ZNRF1: variants seen among roughly 807,000 people sequenced by gnomAD.
ZNRF1 encodes E3 ubiquitin-protein ligase ZNRF1.
A neutral mutation model predicts 18.4 loss-of-function variants in ZNRF1; 3 were observed. The observed-to-expected ratio is 0.16, with a 90% CI of 0.07 to 0.42. ZNRF1 has a LOEUF of 0.42. Among genes scored for constraint, ZNRF1 ranks in the 10% least tolerant of loss-of-function variants. The pLI is 0.99. For synonymous variants in ZNRF1, 157 were observed against 144.2 expected, an observed-to-expected ratio of 1.09 and a Z score of -0.64; for missense variants, 310 against 329.8, an observed-to-expected ratio of 0.94 and a Z score of 0.47.
intron 1 of ZNRF1, among the ~76,000 whole-genome samples, chr16:75,044,653 C>T (rs2035491480): frequency 6.6e-6 from 1 of 152,246 alleles, no homozygotes; most frequent in Admixed American, 6.5e-5. Flanking sequence ...AGCCACCATA[C>T]CCAGCCCAAG....
intron 2 of ZNRF1, among the ~76,000 whole-genome samples, chr16:75,094,422 A>G (rs1029281052): frequency 6.6e-6 from 1 of 152,248 alleles, no homozygotes; most frequent in African/African-American, 2.4e-5. Context: ...TCTGCCTAGC[A>G]TGCTGTGCAT....
chr16:75,048,298 C>T (rs890574886), intron 1 of ZNRF1, among the ~76,000 whole-genome samples: 1 of 152,156 alleles, frequency 6.6e-6, no homozygotes, highest in Non-Finnish European at 1.5e-5. Context: ...TTAGGGCCCA[C>T]CCCGATGACC....
intron 1 of ZNRF1, among the ~76,000 whole-genome samples, chr16:75,085,783 C>G (rs893659776): frequency 8.8e-5 from 7 of 79,204 alleles, no homozygotes; most frequent in Admixed American, 4.2e-4. Context: ...GAAACAGATC[C>G]GACAGAGTGA....
At chr16:75,096,214 G>C in intron 2 of ZNRF1, among the ~76,000 whole-genome samples, 1 of 152,274 alleles carries the variant, frequency 6.6e-6, no homozygotes, top group East Asian at 1.9e-4. Context: ...GTCTCAACGT[G>C]GTGAAGTGCT....
rs988348510 is a variant in ZNRF1, at chr16:74,999,205, C to T, written c.-467C>T. On this transcript the variant is annotated 5_prime_UTR_variant, in exon 1 of 5. Transcript: ENST00000335325. ...CGAGGCCTGGAGGGGTCCGGGCCGC[C>T]GTCCATGGTCGCGGCGTCCTGAGGC... 1 of 147,110 alleles carries T rather than the reference C, an allele frequency of 6.8e-6. No homozygotes were observed. Among genetic ancestry groups the T allele is most frequent in the Non-Finnish European group, 1.5e-5 (1 of 66,156 alleles). The allele number at this position is 147,110 out of a possible 1,614,324, so 9.1% of individuals were successfully genotyped here.
At chr16:75,092,480 TCAGTGGCAA>T (rs2036151316) in intron 1 of ZNRF1, among the ~76,000 whole-genome samples, 1 of 152,224 alleles carries the variant, frequency 6.6e-6, no homozygotes, top group South Asian at 2.1e-4. Context: ...AAATAAGATT[TCAGTGGCAA>T]CAGATCTTTT....
chr16:75,023,223 C>A (rs2035177105), intron 1 of ZNRF1, among the ~76,000 whole-genome samples: 1 of 152,170 alleles, frequency 6.6e-6, no homozygotes. Context: ...TTTCTCTCCA[C>A]CCCCTTAAAT....
chr16:75,054,668 CT>C (rs1402030298), intron 1 of ZNRF1, among the ~76,000 whole-genome samples: 1 of 152,232 alleles, frequency 6.6e-6, no homozygotes, highest in Non-Finnish European at 1.5e-5. Flanking sequence ...AATACTGGCA[CT>C]TTGTTCTCCC....
At chr16:75,046,908 A>C (rs1248006340) in intron 1 of ZNRF1, 1 of 154,102 alleles carries the variant, frequency 6.5e-6, no homozygotes, top group Admixed American at 6.5e-5. Context: ...ACAGTACAGA[A>C]AAATAATATA....
At chr16:75,041,454 A>G (rs1383492879) in intron 1 of ZNRF1, among the ~76,000 whole-genome samples, 1 of 151,958 alleles carries the variant, frequency 6.6e-6, no homozygotes, top group Non-Finnish European at 1.5e-5. Flanking sequence ...TTCAGCCTCC[A>G]GAGTAGCTGG....
intron 1 of ZNRF1, among the ~76,000 whole-genome samples, chr16:75,064,610 G>T (rs1255052057): frequency 1.3e-5 from 2 of 151,422 alleles, no homozygotes; most frequent in East Asian, 3.9e-4. Flanking sequence ...GGGATTAAAT[G>T]CAACAATGTA....
At position 75,108,861 on chromosome 16, in the gene ZNRF1, C is replaced by T; in HGVS notation, c.*1161C>T. The T allele has an allele frequency of 3.3e-6, 1 of 300,388 alleles. No individual in the cohort carries two copies. The highest frequency in any genetic ancestry group is 6.0e-6 in the Non-Finnish European group (1 of 166,572). 18.6% of individuals were successfully genotyped at this position (300,388 alleles called of 1,614,324 possible). Reference sequence around the variant, plus strand: ...GTGAATTGGTCCTCAGATAGTCAGGCCTGGGTGGAGGGAGTGGCAAGTCAG... The same window carrying T: ...GTGAATTGGTCCTCAGATAGTCAGGTCTGGGTGGAGGGAGTGGCAAGTCAG... On this transcript the variant is annotated 3_prime_UTR_variant, in exon 5 of 5. Transcript: ENST00000335325.
chr16:75,095,768 C>A, intron 2 of ZNRF1: 1 of 1,502,226 alleles, frequency 6.7e-7, no homozygotes, highest in Non-Finnish European at 9.0e-7. Context: ...TGTCCAGCTC[C>A]TCTGCCAGAG....
At chr16:75,085,470 A>G (rs568611181) in intron 1 of ZNRF1, among the ~76,000 whole-genome samples, 4 of 152,296 alleles carry the variant, frequency 2.6e-5, no homozygotes, top group African/African-American at 9.6e-5. Context: ...TTTGCTTGTT[A>G]GGAATAAAGC....
intron 2 of ZNRF1, among the ~76,000 whole-genome samples, chr16:75,098,230 C>G (rs1022494853): frequency 1.3e-5 from 2 of 152,046 alleles, no homozygotes; most frequent in Non-Finnish European, 2.9e-5. Context: ...GTATGAGGAG[C>G]GAAAGCGACT....
At chr16:75,085,632 A>G (rs951630558) in intron 1 of ZNRF1, among the ~76,000 whole-genome samples, 3 of 152,122 alleles carry the variant, frequency 2.0e-5, no homozygotes, top group Admixed American at 2.0e-4. Context: ...TGGCTGTGTC[A>G]TTTTATATTC....
Position 75,038,091 on chromosome 16 carries a change from T to C in ZNRF1, c.424+37996T>C, listed in dbSNP as rs555354778. On this transcript the variant is annotated intron_variant, in intron 1 of 4. Transcript: ENST00000335325. The stretch of plus-strand genomic sequence containing the variant: ...TATTCTAGGGCAGACTTGAAGCCTA[T>C]TTTTGTTGTCTGTTGTTAGGCAACA... Among the ~76,000 whole-genome samples the C allele has an allele frequency of 1.2e-4, 19 of 152,344 alleles. No homozygotes were observed. The South Asian group carries it at 1.9e-3, about 15-fold the overall frequency.
intron 1 of ZNRF1, among the ~76,000 whole-genome samples, chr16:75,090,053 TC>T (rs2036117653): frequency 6.6e-6 from 1 of 152,162 alleles, no homozygotes; most frequent in Non-Finnish European, 1.5e-5. Context: ...CTCCTCTCCT[TC>T]CACAGCCTCA....
chr16:75,029,372 T>C (rs2035269895), intron 1 of ZNRF1, among the ~76,000 whole-genome samples: 1 of 152,076 alleles, frequency 6.6e-6, no homozygotes, highest in African/African-American at 2.4e-5. Context: ...ATAGTCTCGA[T>C]CTCCTGACCT....
Sources: gnomAD v4.1 joint callset for allele counts (sites outside exome capture counted in the v4.1 genomes callset) on GRCh38, gnomAD v4.1.1 for gene constraint, MANE v1.5 for transcripts, NCBI Gene and HGNC (gene_info 2026-07-23, HGNC 2026-07-21) for gene names.